The following MTMR6 variants were observed in gnomAD, a reference collection of about 807,000 sequenced individuals.
MTMR6 encodes the protein myotubularin related protein 6, also known as phosphatidylinositol-3,5-bisphosphate 3-phosphatase MTMR6.
In MTMR6, 47 loss-of-function variants were observed where a neutral mutation model predicts 80.1. That is an observed-to-expected ratio of 0.59 (90% CI 0.46 to 0.75). MTMR6 has a LOEUF of 0.75. Among genes scored for constraint, MTMR6 ranks in the 30% least tolerant of loss-of-function variants. MTMR6 has a pLI of 0.00. For synonymous variants in MTMR6, 254 were observed against 253.0 expected (o/e 1.00, Z -0.04); for missense variants, 629 against 730.9 (o/e 0.86, Z 1.61).
chr13:25,276,522 C>T (rs1957731682), intron 1 of MTMR6, among the ~76,000 whole-genome samples: 2 of 152,134 alleles, frequency 1.3e-5, no homozygotes, highest in Admixed American at 1.3e-4. Context: ...TGGTTGTGCT[C>T]CAATTATAAA....
Position 25,273,920 on chromosome 13 carries a change from G to A in MTMR6, c.141+151C>T, listed in dbSNP as rs559306469. On this transcript the variant is annotated intron_variant, in intron 2 of 13. Transcript: ENST00000381801. ...ATATTCTATAACTGATTTATTAGAA[G>A]GGAGGGCAGGAGTGATCTGGAGACC... 4.6e-4 allele frequency: 250 copies of A among 539,162 alleles called. 1 individual carries two copies. The highest frequency in any genetic ancestry group is 2.1e-3 in the Admixed American group (69 of 32,160). 33.4% of individuals were successfully genotyped at this position (539,162 alleles called of 1,614,324 possible). A position where few individuals can be genotyped will look rare whatever the true frequency, so the allele number is the denominator to read the frequency against.
chr13:25,275,167 C>T (rs1288674661), intron 1 of MTMR6, among the ~76,000 whole-genome samples: 2 of 152,200 alleles, frequency 1.3e-5, no homozygotes, highest in Non-Finnish European at 2.9e-5. Context: ...TGGCTCACGC[C>T]TGTAATCCCA....
In MTMR6 at chr13:25,249,708, T is replaced by G. The variant is rs993859536; in HGVS notation, c.1606-216A>C. On this transcript the variant is annotated intron_variant, in intron 13 of 13. Coordinates refer to ENST00000381801, the MANE Select transcript of MTMR6 (RefSeq NM_004685.5). ...GAAAATTGTTAGTTTTTATATTTATTAAACAAACAATCCAGCAAGACTTGA... is the reference window on the plus strand; with the variant it reads ...GAAAATTGTTAGTTTTTATATTTATGAAACAAACAATCCAGCAAGACTTGA... Among the ~76,000 whole-genome samples, 11 of 152,146 alleles carry G rather than the reference T, an allele frequency of 7.2e-5. No individual in the cohort carries two copies. The East Asian group carries it at 2.1e-3, about 29-fold the overall frequency.
rs1593140336 is a variant in MTMR6, at chr13:25,251,162, A to G, written c.1605+487T>C. 6.6e-6 allele frequency among the ~76,000 whole-genome samples: 1 copy of G among 152,162 alleles called. No homozygotes were observed. Among genetic ancestry groups the G allele is most frequent in the African/African-American group, 2.4e-5 (1 of 41,528 alleles). ...CTCCCAAGTAGCTGGGATTACAGGC[A>G]TGCGCCACCATGCCCGGCTACTTTT... On this transcript the variant is annotated intron_variant, in intron 13 of 13. Transcript: ENST00000381801. This position sits in a 1 kb window ranked among gnomAD's most constrained non-coding sequence, Gnocchi z 4.1.
chr13:25,274,008 TA>T, intron 2 of MTMR6, 62 bp downstream of exon 2: 1 of 1,167,008 alleles, frequency 8.6e-7, no homozygotes, highest in Non-Finnish European at 1.2e-6. Flanking sequence ...ACATTCAAAA[TA>T]AAACATGACA....
chr13:25,265,106 C>T (rs911656421), intron 5 of MTMR6, among the ~76,000 whole-genome samples: 2 of 152,132 alleles, frequency 1.3e-5, no homozygotes, highest in Non-Finnish European at 2.9e-5. Context: ...ATGCCTCCTC[C>T]ACTGTTTCAT....
At chr13:25,265,703 G>T in intron 5 of MTMR6, 116 bp downstream of exon 5, 2 of 1,199,250 alleles carry the variant, frequency 1.7e-6, no homozygotes, top group Non-Finnish European at 2.3e-6. Context: ...CTGCACTCCA[G>T]CTTCGGCAAC....
chr13:25,258,567 T>A lies in MTMR6; in HGVS notation c.852A>T (p.Leu284Phe), dbSNP rs1957265223. 1 of 1,589,200 alleles carries A rather than the reference T, an allele frequency of 6.3e-7. No individual in the cohort carries two copies. Among genetic ancestry groups the A allele is most frequent in the African/African-American group, 1.4e-5 (1 of 73,336 alleles). Residue 284 changes from leucine (L) to phenylalanine (F), a missense_variant, in exon 7 of 14, where the codon TTA (leucine) becomes TTT (phenylalanine). Leu to Phe is a conservative substitution (Grantham distance 22). Coordinates refer to ENST00000381801, the MANE Select transcript of MTMR6 (RefSeq NM_004685.5). ...IHVMRSSLQK[L>F]LEVNGTKGLS... ...AAGTAAGCAATAATATACCTTCCAA[T>A]AATTTCTGAAGGCTGGACCTCATGA...
At chr13:25,275,396 T>C (rs1385815916) in intron 1 of MTMR6, among the ~76,000 whole-genome samples, 2 of 151,978 alleles carry the variant, frequency 1.3e-5, no homozygotes, top group African/African-American at 4.8e-5. Context: ...CACTCCAGCC[T>C]GGGCAACAGA....
intron 1 of MTMR6, among the ~76,000 whole-genome samples, chr13:25,284,215 T>C (rs537238502): frequency 6.6e-6 from 1 of 152,282 alleles, no homozygotes; most frequent in East Asian, 1.9e-4. Context: ...ATTTAACAAT[T>C]AGATTAAAAC....
At position 25,248,381 on chromosome 13, in the gene MTMR6, A is replaced by T. The variant is rs576512781; in HGVS notation, c.*851T>A. 6.6e-6 allele frequency: 1 copy of T among 152,298 alleles called. No individual in the cohort carries two copies. The highest frequency in any genetic ancestry group is 6.5e-5 in the Admixed American group (1 of 15,300). 9.4% of individuals were successfully genotyped at this position (152,298 alleles called of 1,614,324 possible). ...CACAGTTGTGAAAGAAATAAAGCCAACCACAAAATAAGAATCAATGGAATG... is the reference window on the plus strand; with the variant it reads ...CACAGTTGTGAAAGAAATAAAGCCATCCACAAAATAAGAATCAATGGAATG... On this transcript the variant is annotated 3_prime_UTR_variant, in exon 14 of 14. Transcript: ENST00000381801.
intron 1 of MTMR6, among the ~76,000 whole-genome samples, chr13:25,277,951 T>G (rs777165714): frequency 3.3e-5 from 5 of 152,258 alleles, no homozygotes; most frequent in Non-Finnish European, 5.9e-5. Context: ...AAATTCTCTT[T>G]GTTAGATCTT....
At chr13:25,250,772 G>C (rs534134452) in intron 13 of MTMR6, among the ~76,000 whole-genome samples, 1 of 152,230 alleles carries the variant, frequency 6.6e-6, no homozygotes, top group Admixed American at 6.5e-5. Flanking sequence ...TAAACAGTAT[G>C]GTAACTTTTA....
chr13:25,265,570 C>T (rs1369428720), intron 5 of MTMR6, among the ~76,000 whole-genome samples: 2 of 151,896 alleles, frequency 1.3e-5, no homozygotes, highest in African/African-American at 2.4e-5. Flanking sequence ...GGCAAAACCT[C>T]GTCTCTACTA....
At chr13:25,263,665 T>C (rs1957389103) in intron 5 of MTMR6, among the ~76,000 whole-genome samples, 1 of 152,160 alleles carries the variant, frequency 6.6e-6, no homozygotes, top group African/African-American at 2.4e-5. Context: ...GGCCGGTGGA[T>C]CACCTGAGGT....
At position 25,274,147 on chromosome 13, in the gene MTMR6, T is replaced by C. The variant is rs201075999; in HGVS notation, c.65A>G (p.Asn22Ser). 186 of 1,612,758 alleles carry C rather than the reference T, an allele frequency of 1.2e-4. No homozygotes were observed. Among genetic ancestry groups the C allele is most frequent in the Non-Finnish European group, 1.4e-4 (170 of 1,179,360 alleles). ...ATACAGTGTTCCTGTTAATGACTTG[T>C]TGCTGGTACTGAATCGGTCAAGTAA... Reference protein sequence around the residue: ...VKLLDRFSTSNKSLTGTLYLT... With the variant: ...VKLLDRFSTSSKSLTGTLYLT... The change falls in exon 2 of 14, where the codon AAC (asparagine) becomes AGC (serine). Residue 22 changes from asparagine (N) to serine (S), a missense_variant. Transcript: ENST00000381801.
At position 25,266,187 on chromosome 13, in the gene MTMR6, T is replaced by C. The variant is rs745628437; in HGVS notation, c.404A>G (p.Lys135Arg). The stretch of plus-strand genomic sequence containing the variant: ...GTGTGAGTTTGGCACTCCCATCCTC[T>C]TATATTCCTCAGCGAGATCAATGAG... ...WQLIDLAEEY[K>R]RMGVPNSHWQ... Residue 135 changes from lysine to arginine, a missense_variant, in exon 4 of 14, where the codon AAG becomes AGG. Physicochemically the swap from Lys to Arg is conservative, Grantham distance 26 (BLOSUM62 2). Coordinates refer to ENST00000381801, the MANE Select transcript of MTMR6 (RefSeq NM_004685.5). 1.8e-5 allele frequency: 29 copies of C among 1,614,166 alleles called. No individual in the cohort carries two copies. Among genetic ancestry groups the C allele is most frequent in the Non-Finnish European group, 2.4e-5 (28 of 1,180,014 alleles).
rs1957345028 is a variant in MTMR6 at position 25,261,674 on chromosome 13, C to T, written c.720G>A (p.Arg240=). 9 of 1,607,822 alleles carry T rather than the reference C, an allele frequency of 5.6e-6. No individual in the cohort carries two copies. The highest frequency in any genetic ancestry group is 1.7e-5 in the Admixed American group (1 of 59,260). The change falls in exon 6 of 14, where the codon AGG becomes AGA. Residue 240 remains arginine (R), a synonymous_variant. Transcript: ENST00000381801. The part of the protein sequence containing the change: ...VNRYMYVMDT[R]PKLNAMANRA... ...CTGTATTTAAAATACATACTTTTGG[C>T]CTGGTATCCATGACGTACATATAGC...
intron 1 of MTMR6, among the ~76,000 whole-genome samples, chr13:25,285,848 G>A (rs1312772645): frequency 6.6e-6 from 1 of 152,008 alleles, no homozygotes; most frequent in African/African-American, 2.4e-5. Context: ...ACCGGTTTTC[G>A]ATTGTGTGCT....
Sources: gnomAD v4.1 joint callset for allele counts (sites outside exome capture counted in the v4.1 genomes callset) on GRCh38, gnomAD v4.1.1 for gene constraint, Gnocchi (gnomAD v3.1) non-coding constraint, MANE v1.5 for transcripts, NCBI Gene and HGNC (gene_info 2026-07-23, HGNC 2026-07-21) for gene names.